Variants in CCDC18 observed in about 807,000 individuals in gnomAD.
The protein encoded by CCDC18 is coiled-coil domain-containing protein 18.
CCDC18 carries 157 observed loss-of-function variants against 196.0 expected under a neutral mutation model. That is an observed-to-expected ratio of 0.80 (90% CI 0.70 to 0.91). The LOEUF (loss-of-function observed/expected upper bound fraction) is 0.91. Among genes scored for constraint, CCDC18 ranks in the 40% least tolerant of loss-of-function variants. The pLI is 0.00. For missense variants in CCDC18, 1,465 were observed against 1,611.6 expected (o/e 0.91, Z 1.56); for synonymous variants, 482 against 529.2 (o/e 0.91, Z 1.22).
intron 1 of CCDC18, 64 bp downstream of exon 1, chr1:93,180,916 C>A: frequency 7.4e-7 from 1 of 1,345,036 alleles, no homozygotes; most frequent in South Asian, 1.1e-5. Flanking sequence ...GGGAAACCGG[C>A]TTACCTGGGG....
At chr1:93,267,196 C>T (rs1218143351) in intron 27 of CCDC18, among the ~76,000 whole-genome samples, 1 of 152,194 alleles carries the variant, frequency 6.6e-6, no homozygotes, top group African/African-American at 2.4e-5. Context: ...ACAAAAACCA[C>T]ATGATTATCT....
chr1:93,238,596 T>C (rs569720219), intron 19 of CCDC18, among the ~76,000 whole-genome samples: 2 of 152,302 alleles, frequency 1.3e-5, no homozygotes, highest in South Asian at 2.1e-4. Flanking sequence ...CTTCCTACCA[T>C]TGAGGGTAAC....
intron 16 of CCDC18, among the ~76,000 whole-genome samples, chr1:93,225,924 C>T (rs1469955490): frequency 6.6e-6 from 1 of 152,182 alleles, no homozygotes; most frequent in Non-Finnish European, 1.5e-5. Context: ...GTTTGGCCTA[C>T]AGGTTCTTGA....
chr1:93,267,436 G>A (rs931304881), intron 27 of CCDC18, among the ~76,000 whole-genome samples: 1 of 152,116 alleles, frequency 6.6e-6, no homozygotes, highest in Non-Finnish European at 1.5e-5. Flanking sequence ...TGGAAGTTCT[G>A]GCCAGGGCAA....
rs1023990524 is a variant in CCDC18 at position 93,221,639 on chromosome 1, C to A, written c.1993C>A (p.Gln665Lys). 2 of 1,549,710 alleles carry A rather than the reference C, an allele frequency of 1.3e-6. No homozygotes were observed. Among genetic ancestry groups the A allele is most frequent in the Admixed American group, 4.4e-5 (2 of 44,976 alleles). ...LEAQLEKKDQ[Q>K]FKEQEKTMSM... ...AGCTCAACTAGAGAAAAAGGACCAA[C>A]AATTTAAAGAACAAGAAAAGACTAT... The change falls in exon 15 of 29, where the codon CAA becomes AAA. Residue 665 changes from glutamine (Q) to lysine (K), a missense_variant. Gln to Lys is a moderately conservative substitution (Grantham distance 53). Coordinates refer to ENST00000690025, the MANE Select transcript of CCDC18 (RefSeq NM_001378204.1).
chr1:93,215,031 G>A, intron 12 of CCDC18, 65 bp downstream of exon 12: 1 of 1,054,060 alleles, frequency 9.5e-7, no homozygotes, highest in South Asian at 1.9e-5. Flanking sequence ...TATTATTTTA[G>A]GGTTTTATAA....
At position 93,207,131 on chromosome 1, in the gene CCDC18, C is replaced by T. The variant is rs2783499; in HGVS notation, c.942C>T (p.Asn314=). The part of the protein sequence containing the change: ...KLRQLKEENN[N]GKEKLRIMAV... ...GGCAGTTAAAAGAAGAAAATAACAA[C>T]GGAAAAGAAAAATTAAGGATCATGG... The change falls in exon 9 of 29, where the codon AAC becomes AAT. Residue 314 remains asparagine, a synonymous_variant. Transcript: ENST00000690025. 0.17 allele frequency: 259,764 copies of T among 1,502,798 alleles called. 24,982 individuals are homozygous for T. The highest frequency in any genetic ancestry group is 0.32 in the Admixed American group (15,682 of 48,986). The allele number at this position is 1,502,798 out of a possible 1,614,324, so 93.1% of individuals were successfully genotyped here.
intron 12 of CCDC18, among the ~76,000 whole-genome samples, chr1:93,216,286 T>G (rs898931577): frequency 2.0e-5 from 3 of 152,250 alleles, no homozygotes; most frequent in African/African-American, 4.8e-5. Context: ...AACATTTTAT[T>G]GTACTTATTT....
At chr1:93,217,640 T>C (rs995706448) in intron 13 of CCDC18, 98 bp from the exon 14 acceptor site, 11 of 973,100 alleles carry the variant, frequency 1.1e-5, no homozygotes, top group Non-Finnish European at 1.5e-5. Context: ...GGTCTTGCCG[T>C]GTTTCCCAGG....
chr1:93,211,073 G>C, intron 10 of CCDC18, 147 bp downstream of exon 10: 2 of 709,052 alleles, frequency 2.8e-6, no homozygotes, highest in East Asian at 3.1e-5. Flanking sequence ...TCAGGAGTTC[G>C]AGACCAGCCT....
At chr1:93,271,053 T>C (rs758346766) in intron 28 of CCDC18, 215 of 982,898 alleles carry the variant, frequency 2.2e-4, no homozygotes, top group Non-Finnish European at 2.5e-4. Context: ...GAACGAAAAA[T>C]AGGAAGATAG....
chr1:93,193,559 T>G (rs1652195592), intron 5 of CCDC18, 57 bp from the exon 6 acceptor site: 7 of 1,141,690 alleles, frequency 6.1e-6, no homozygotes, highest in Middle Eastern at 5.4e-4. Context: ...AAATTATTCT[T>G]GCATACCTGG....
intron 14 of CCDC18, among the ~76,000 whole-genome samples, chr1:93,221,397 T>G (rs914298451): frequency 2.0e-5 from 3 of 152,192 alleles, no homozygotes; most frequent in African/African-American, 7.2e-5. Context: ...GCTTTTTTTT[T>G]GTATGTTTGT....
chr1:93,270,364 A>C lies in CCDC18; in HGVS notation c.3903A>C (p.Arg1301Ser). The C allele has an allele frequency of 6.5e-7, 1 of 1,548,294 alleles. No individual in the cohort carries two copies. Among genetic ancestry groups the C allele is most frequent in the Non-Finnish European group, 8.7e-7 (1 of 1,145,424 alleles). ...ATCTGCAGGAATCAGAATTAACCAG[A>C]TTACAGGCCAAAATTTCTGGACATG... ...ALLTKESELT[R>S]LQAKISGHEK... The change falls in exon 28 of 29, where the codon AGA becomes AGC. Residue 1301 changes from arginine (R) to serine (S), a missense_variant. Coordinates refer to ENST00000690025, the MANE Select transcript of CCDC18 (RefSeq NM_001378204.1).
chr1:93,264,859 GA>G lies in CCDC18; in HGVS notation c.3845del (p.Asn1282MetfsTer3). The G allele has an allele frequency of 6.2e-7, 1 of 1,613,354 alleles. No individual in the cohort carries two copies. The highest frequency in any genetic ancestry group is 8.5e-7 in the Non-Finnish European group (1 of 1,179,552). ...SNLHQQVQDR[N>X]EVIEAANEAL... is the part of the protein sequence containing the mutation. ...ATTTGCATCAACAAGTCCAAGATAG[GA>G]ATGAAGTAATTGAAGCTGCAAATGA... On this transcript the variant is annotated frameshift_variant, in exon 27 of 29. Coordinates refer to ENST00000690025, the MANE Select transcript of CCDC18 (RefSeq NM_001378204.1). LOFTEE classifies it high-confidence loss of function.
intron 16 of CCDC18, among the ~76,000 whole-genome samples, chr1:93,225,638 A>G (rs1658147935): frequency 6.6e-6 from 1 of 152,070 alleles, no homozygotes; most frequent in Non-Finnish European, 1.5e-5. Context: ...TCAGCAAGAC[A>G]TGGTGGTGCA....
intron 11 of CCDC18, among the ~76,000 whole-genome samples, chr1:93,212,661 T>G (rs1655840737): frequency 6.6e-6 from 1 of 152,196 alleles, no homozygotes; most frequent in Admixed American, 6.5e-5. Flanking sequence ...CAAAAGTTAT[T>G]TCAGAATTAT....
intron 19 of CCDC18, among the ~76,000 whole-genome samples, chr1:93,237,793 T>C (rs900527341): frequency 6.6e-6 from 1 of 152,116 alleles, no homozygotes; most frequent in Non-Finnish European, 1.5e-5. Context: ...CTGATCCTTC[T>C]GACACCTTGG....
intron 13 of CCDC18, 46 bp from the exon 14 acceptor site, chr1:93,217,692 G>A (rs747318769): frequency 2.6e-6 from 4 of 1,520,128 alleles, no homozygotes; most frequent in Admixed American, 2.0e-5. Context: ...GCCTGCCTTG[G>A]CCTCCCAAAT....
Sources: gnomAD v4.1 joint callset for allele counts (sites outside exome capture counted in the v4.1 genomes callset) on GRCh38, gnomAD v4.1.1 for gene constraint, MANE v1.5 for transcripts, NCBI Gene and HGNC (gene_info 2026-07-23, HGNC 2026-07-21) for gene names.